The following PTPRD variants were observed in gnomAD, a reference collection of about 807,000 sequenced individuals.
The protein encoded by PTPRD is protein tyrosine phosphatase receptor type D.
In PTPRD, 34 loss-of-function variants were observed where a neutral mutation model predicts 214.5. The observed-to-expected ratio is 0.16, with a 90% confidence interval of 0.12 to 0.21. The LOEUF (loss-of-function observed/expected upper bound fraction) is 0.21, where lower values mean the gene tolerates loss of function less well. Among genes scored for constraint, PTPRD ranks in the 10% least tolerant of loss-of-function variants. PTPRD has a pLI of 1.00. For synonymous variants in PTPRD, 1,128 were observed against 845.7 expected (o/e 1.33, Z -5.79); for missense variants, 2,545 against 2,398.7 (o/e 1.06, Z -1.27).
At chr9:8,767,126 CT>C (rs1434519424) in intron 11 of PTPRD, among the ~76,000 whole-genome samples, 3 of 151,140 alleles carry the variant, frequency 2.0e-5, no homozygotes, top group Non-Finnish European at 4.4e-5. Flanking sequence ...ACTTTTTTTT[CT>C]TTTTTTTGAG....
At chr9:9,811,945 TG>T (rs1254364871) in intron 5 of PTPRD, among the ~76,000 whole-genome samples, 1 of 152,160 alleles carries the variant, frequency 6.6e-6, no homozygotes, top group African/African-American at 2.4e-5. Flanking sequence ...TCAATCAACG[TG>T]GCAAACTTTA....
At chr9:9,858,996 C>A (rs1192350776) in intron 5 of PTPRD, among the ~76,000 whole-genome samples, 1 of 152,158 alleles carries the variant, frequency 6.6e-6, no homozygotes, top group Admixed American at 6.5e-5. Flanking sequence ...GAATCCCCAC[C>A]TGTCTAGGGA....
intron 2 of PTPRD, among the ~76,000 whole-genome samples, chr9:10,382,160 G>A (rs2097839614): frequency 6.6e-6 from 1 of 151,762 alleles, no homozygotes; most frequent in Admixed American, 6.6e-5. Context: ...CAACAATGAT[G>A]CCAAACTGAT....
intron 9 of PTPRD, among the ~76,000 whole-genome samples, chr9:9,211,158 A>T (rs2132818033): frequency 6.6e-6 from 1 of 152,190 alleles, no homozygotes; most frequent in African/African-American, 2.4e-5. Context: ...CCACACATAC[A>T]GACCCATCTA....
intron 9 of PTPRD, among the ~76,000 whole-genome samples, chr9:9,380,718 C>T (rs1177315530): frequency 6.6e-6 from 1 of 152,094 alleles, no homozygotes; most frequent in African/African-American, 2.4e-5. Flanking sequence ...GCGTTGTCAA[C>T]AACACTATGT....
At chr9:9,259,359 C>T (rs182009411) in intron 9 of PTPRD, among the ~76,000 whole-genome samples, 1 of 151,920 alleles carries the variant, frequency 6.6e-6, no homozygotes, top group Non-Finnish European at 1.5e-5. Context: ...AAAACTATGG[C>T]TGGAAGGTAA....
intron 11 of PTPRD, among the ~76,000 whole-genome samples, chr9:8,992,631 G>T (rs980530345): frequency 2.0e-5 from 3 of 152,056 alleles, no homozygotes; most frequent in Non-Finnish European, 4.4e-5. Flanking sequence ...AATAATATAC[G>T]GCTACTTTGA....
At chr9:8,994,067 T>C (rs72692806) in intron 11 of PTPRD, among the ~76,000 whole-genome samples, 1 of 152,118 alleles carries the variant, frequency 6.6e-6, no homozygotes, top group African/African-American at 2.4e-5. Context: ...AGCAACACTT[T>C]GAAGAATACA....
chr9:10,563,773 A>G (rs1341631804), intron 2 of PTPRD, among the ~76,000 whole-genome samples: 1 of 151,950 alleles, frequency 6.6e-6, no homozygotes, highest in African/African-American at 2.4e-5. Context: ...ACAAATTTTG[A>G]TGTTGAGTAA....
At chr9:9,392,370 C>T (rs2382003) in intron 9 of PTPRD, among the ~76,000 whole-genome samples, 40,220 of 152,068 alleles carry the variant, frequency 0.26, 5,473 homozygotes, top group Middle Eastern at 0.3. Flanking sequence ...TTGGTAACAG[C>T]AGAAGTCTTA....
At chr9:9,059,376 G>A (rs1465669397) in intron 10 of PTPRD, among the ~76,000 whole-genome samples, 1 of 152,134 alleles carries the variant, frequency 6.6e-6, no homozygotes, top group Non-Finnish European at 1.5e-5. Flanking sequence ...CCAGTGAAGG[G>A]TATTACAAGA....
Position 9,728,012 on chromosome 9 carries a change from T to C in PTPRD, c.-287+6521A>G, listed in dbSNP as rs777181767. Among the ~76,000 whole-genome samples, 6 of 152,282 alleles carry C rather than the reference T, an allele frequency of 3.9e-5. No homozygotes were observed. In the East Asian group the frequency reaches 7.7e-4, roughly 20 times the overall value. On this transcript the variant is annotated intron_variant, in intron 7 of 45. Coordinates refer to ENST00000381196, the MANE Select transcript of PTPRD (RefSeq NM_002839.4). ...GACCCATGGGGAGGCAATTGAATCATGGGGGCAGTTTCCCCCATACAGTTC... is the reference window on the plus strand; with the variant it reads ...GACCCATGGGGAGGCAATTGAATCACGGGGGCAGTTTCCCCCATACAGTTC...
At chr9:10,444,463 T>C (rs117338220) in intron 2 of PTPRD, among the ~76,000 whole-genome samples, 2 of 151,930 alleles carry the variant, frequency 1.3e-5, no homozygotes, top group Non-Finnish European at 3.0e-5. Context: ...TAATGGGTAA[T>C]TAATGTTTCT....
chr9:8,358,821 A>C (rs1374158035), intron 39 of PTPRD, among the ~76,000 whole-genome samples: 3 of 152,070 alleles, frequency 2.0e-5, no homozygotes, highest in Non-Finnish European at 4.4e-5. Context: ...GGAAAAAAAA[A>C]TGTAATATAA....
At chr9:8,837,124 C>G (rs2097446066) in intron 11 of PTPRD, among the ~76,000 whole-genome samples, 1 of 150,428 alleles carries the variant, frequency 6.6e-6, no homozygotes, top group Non-Finnish European at 1.5e-5. Context: ...CTTCCAGGTT[C>G]AAGTGATTCT....
At chr9:8,594,445 T>A (rs2094345221) in intron 14 of PTPRD, among the ~76,000 whole-genome samples, 1 of 152,186 alleles carries the variant, frequency 6.6e-6, no homozygotes, top group Admixed American at 6.6e-5. Flanking sequence ...ATATAAATCC[T>A]GGCAAACAAC....
intron 12 of PTPRD, among the ~76,000 whole-genome samples, chr9:8,650,214 C>G (rs2096778598): frequency 6.6e-6 from 1 of 151,912 alleles, no homozygotes; most frequent in Admixed American, 6.5e-5. Flanking sequence ...CCACACTCAG[C>G]AAGGGCAACT....
At chr9:8,987,783 TAAAC>T (rs1355989527) in intron 11 of PTPRD, among the ~76,000 whole-genome samples, 3 of 152,096 alleles carry the variant, frequency 2.0e-5, no homozygotes, top group South Asian at 2.1e-4. Flanking sequence ...AGGAAGAAGA[TAAAC>T]AAAATTTAAA....
chr9:10,326,353 C>T (rs939681221), intron 3 of PTPRD, among the ~76,000 whole-genome samples: 1 of 151,640 alleles, frequency 6.6e-6, no homozygotes, highest in African/African-American at 2.4e-5. Flanking sequence ...TAAGCCATTA[C>T]TTTGATATTC....
Sources: gnomAD v4.1 joint callset for allele counts (sites outside exome capture counted in the v4.1 genomes callset) on GRCh38, gnomAD v4.1.1 for gene constraint, MANE v1.5 for transcripts, NCBI Gene and HGNC (gene_info 2026-07-23, HGNC 2026-07-21) for gene names.